Variants in DIS3L observed in about 807,000 individuals in gnomAD.
DIS3L encodes DIS3-like exonuclease 1.
DIS3L carries 100 observed loss-of-function variants against 120.3 expected under a neutral mutation model. The ratio of observed to expected loss-of-function variants is 0.83; its 90% CI spans 0.71 to 0.98. The LOEUF is 0.98. Among genes scored for constraint, DIS3L ranks in the 50% least tolerant of loss-of-function variants. DIS3L has a pLI of 0.00. For missense variants in DIS3L, 1,196 were observed against 1,314.2 expected (o/e 0.91, Z 1.39); for synonymous variants, 426 against 470.6 (o/e 0.91, Z 1.23).
intron 2 of DIS3L, among the ~76,000 whole-genome samples, chr15:66,301,472 G>C (rs76878359): frequency 0.098 from 14,916 of 151,676 alleles, 752 homozygotes; most frequent in African/African-American, 0.13. Flanking sequence ...GTAAAGACAG[G>C]GTTTTGCCAA....
chr15:66,293,814 C>T (rs2092551096), intron 1 of DIS3L, 79 bp downstream of exon 1: 1 of 1,070,078 alleles, frequency 9.3e-7, no homozygotes, highest in Non-Finnish European at 1.1e-6. Context: ...GGCCGGGAGG[C>T]GGAGCGCCAG....
intron 3 of DIS3L, 107 bp from the exon 4 acceptor site, chr15:66,308,602 T>C: frequency 7.4e-7 from 1 of 1,357,802 alleles, no homozygotes; most frequent in South Asian, 1.9e-5. Context: ...AACGAATGAA[T>C]GGTTATCTAT....
At chr15:66,315,925 TG>T in intron 7 of DIS3L, among the ~76,000 whole-genome samples, 1 of 152,272 alleles carries the variant, frequency 6.6e-6, no homozygotes, top group East Asian at 1.9e-4. Context: ...CTGCCTTCCC[TG>T]GGTCTCCTCC....
chr15:66,324,635 A>AGT (rs1223545645), intron 11 of DIS3L, among the ~76,000 whole-genome samples: 1 of 152,188 alleles, frequency 6.6e-6, no homozygotes, highest in African/African-American at 2.4e-5. Flanking sequence ...AATGTATGAG[A>AGT]GTGCATATTT....
intron 8 of DIS3L, among the ~76,000 whole-genome samples, chr15:66,319,489 C>A (rs915190302): frequency 3.3e-5 from 5 of 152,142 alleles, no homozygotes; most frequent in African/African-American, 1.2e-4. Context: ...TGTAGTGGTA[C>A]TTCACAGAAT....
At chr15:66,322,092 T>C (rs2092890412) in intron 9 of DIS3L, among the ~76,000 whole-genome samples, 1 of 152,212 alleles carries the variant, frequency 6.6e-6, no homozygotes, top group African/African-American at 2.4e-5. Flanking sequence ...TGTTGACTTG[T>C]TTGGCAGCTC....
intron 14 of DIS3L, chr15:66,331,556 CA>C (rs34478583): frequency 5.8e-3 from 884 of 152,996 alleles, no homozygotes; most frequent in South Asian, 0.015. Context: ...CTCCATATCT[CA>C]AAAAAAAAAA....
At chr15:66,302,803 G>C (rs2092662792) in intron 2 of DIS3L, among the ~76,000 whole-genome samples, 1 of 152,148 alleles carries the variant, frequency 6.6e-6, no homozygotes. Flanking sequence ...AAGTAGCATA[G>C]CTTTATTTTA....
At chr15:66,332,085 A>G in intron 15 of DIS3L, 65 bp downstream of exon 15, 11 of 1,413,256 alleles carry the variant, frequency 7.8e-6, no homozygotes, top group Non-Finnish European at 1.0e-5. Context: ...CACAAACTGT[A>G]CATTAGATAT....
At chr15:66,302,201 CAA>C (rs201166215) in intron 2 of DIS3L, among the ~76,000 whole-genome samples, 1 of 151,344 alleles carries the variant, frequency 6.6e-6, no homozygotes, top group Admixed American at 6.6e-5. Flanking sequence ...TGTCTCAATA[CAA>C]AAAAAACCAA....
chr15:66,299,477 C>T (rs1325752928), intron 2 of DIS3L, among the ~76,000 whole-genome samples: 5 of 147,200 alleles, frequency 3.4e-5, no homozygotes, highest in South Asian at 4.3e-4. Flanking sequence ...ACTTGGGAGG[C>T]GGAGGTTGCA....
intron 11 of DIS3L, among the ~76,000 whole-genome samples, chr15:66,323,985 C>T (rs1353571817): frequency 1.3e-5 from 2 of 152,072 alleles, no homozygotes; most frequent in African/African-American, 4.8e-5. Flanking sequence ...AACTTTGTTT[C>T]TCTTTGAATA....
intron 4 of DIS3L, among the ~76,000 whole-genome samples, chr15:66,310,972 G>A (rs1280811157): frequency 1.3e-5 from 2 of 149,324 alleles, no homozygotes; most frequent in Non-Finnish European, 3.0e-5. Flanking sequence ...CTCCAGCATG[G>A]GCAACAGAGC....
intron 2 of DIS3L, among the ~76,000 whole-genome samples, chr15:66,298,294 G>A (rs1410677378): frequency 6.6e-6 from 1 of 150,848 alleles, no homozygotes; most frequent in Admixed American, 6.6e-5. Context: ...TTCTCAACAT[G>A]AGTGATATAT....
intron 2 of DIS3L, among the ~76,000 whole-genome samples, chr15:66,306,172 C>T (rs934581341): frequency 1.4e-4 from 21 of 152,108 alleles, no homozygotes; most frequent in Non-Finnish European, 2.2e-4. Flanking sequence ...ACAGGGTCTC[C>T]TTATGTTGCC....
Position 66,322,863 on chromosome 15 carries a change from T to G in DIS3L, c.1503T>G (p.Leu501=), listed in dbSNP as rs1223625569. The G allele has an allele frequency of 6.2e-7, 1 of 1,614,216 alleles. No individual in the cohort carries two copies. The highest frequency in any genetic ancestry group is 1.7e-5 in the Admixed American group (1 of 60,026). The change falls in exon 10 of 17, where the codon CTT becomes CTG. Residue 501 remains leucine, a synonymous_variant. Coordinates refer to ENST00000319212, the MANE Select transcript of DIS3L (RefSeq NM_001143688.3). ...CCTTAAATAATGGCAACCTGGAACT[T>G]GGGGTCCACATCGCAGATGTAACAC... The part of the protein sequence containing the change: ...VRTLNNGNLE[L]GVHIADVTHF...
At chr15:66,313,215 C>T (rs975028610) in intron 5 of DIS3L, among the ~76,000 whole-genome samples, 21 of 151,810 alleles carry the variant, frequency 1.4e-4, no homozygotes, top group Admixed American at 5.2e-4. Context: ...AGAATGGTCT[C>T]GATCTCTTGA....
intron 2 of DIS3L, among the ~76,000 whole-genome samples, chr15:66,299,144 C>T (rs911364756): frequency 6.6e-6 from 1 of 152,152 alleles, no homozygotes; most frequent in Non-Finnish European, 1.5e-5. Context: ...GGGCCTGTGG[C>T]ACACCCCAGG....
upstream of DIS3L, chr15:66,293,445 C>G (rs1177794155): frequency 4.2e-6 from 5 of 1,201,090 alleles, no homozygotes; most frequent in Non-Finnish European, 5.2e-6. Context: ...GGGCCGGGCC[C>G]CAGCCTGGAG....
Sources: gnomAD v4.1 joint callset for allele counts (sites outside exome capture counted in the v4.1 genomes callset) on GRCh38, gnomAD v4.1.1 for gene constraint, MANE v1.5 for transcripts, NCBI Gene and HGNC (gene_info 2026-07-23, HGNC 2026-07-21) for gene names.